UGGT2: variants seen among roughly 807,000 people sequenced by gnomAD.
UGGT2 encodes the protein UDP-glucose glycoprotein glucosyltransferase 2.
UGGT2 carries 180 observed loss-of-function variants against 192.1 expected under a neutral mutation model. The ratio of observed to expected loss-of-function variants is 0.94; its 90% CI spans 0.83 to 1.06. The LOEUF (loss-of-function observed/expected upper bound fraction) is 1.06. UGGT2 is among the 50% of genes least tolerant of loss of function. The probability of loss-of-function intolerance (pLI) is 0.00; values close to 1 mark genes in which losing one functional copy is unlikely to be tolerated. For missense variants in UGGT2, 1,849 were observed against 1,795.7 expected, an observed-to-expected ratio of 1.03 and a Z score of -0.54; for synonymous variants, 580 against 591.0, an observed-to-expected ratio of 0.98 and a Z score of 0.27.
chr13:95,973,112 G>A (rs1444080527), intron 10 of UGGT2, among the ~76,000 whole-genome samples: 1 of 152,170 alleles, frequency 6.6e-6, no homozygotes, highest in African/African-American at 2.4e-5. Flanking sequence ...GGAGGTTGCA[G>A]TGAGCCAAGA....
intron 36 of UGGT2, among the ~76,000 whole-genome samples, chr13:95,851,503 A>G (rs930338497): frequency 6.6e-6 from 1 of 152,196 alleles, no homozygotes; most frequent in Non-Finnish European, 1.5e-5. Context: ...TTCACCAACA[A>G]AATTGTGGTG....
At chr13:95,863,604 T>C in intron 31 of UGGT2, 25 bp downstream of exon 31, 1 of 1,538,114 alleles carries the variant, frequency 6.5e-7, no homozygotes, top group Non-Finnish European at 9.0e-7. Flanking sequence ...TCTAGTGATG[T>C]ATTAAAATAT....
chr13:95,813,482 T>C (rs570088261), intron 38 of UGGT2, among the ~76,000 whole-genome samples: 10 of 152,276 alleles, frequency 6.6e-5, no homozygotes, highest in Admixed American at 6.5e-4. Context: ...GTATTTAATA[T>C]GTGTCCTGGC....
chr13:95,985,808 T>C (rs1411202950), intron 9 of UGGT2, among the ~76,000 whole-genome samples: 1 of 152,158 alleles, frequency 6.6e-6, no homozygotes, highest in Non-Finnish European at 1.5e-5. Context: ...AAATGGAATA[T>C]ATGTTTAATG....
intron 12 of UGGT2, among the ~76,000 whole-genome samples, chr13:95,951,007 G>A (rs914535255): frequency 6.6e-5 from 10 of 152,182 alleles, no homozygotes; most frequent in Non-Finnish European, 1.5e-5. Context: ...AATAATACTT[G>A]AAGAAATTAG....
At chr13:95,859,706 A>G (rs200971337) in intron 32 of UGGT2, 31 bp from the exon 33 acceptor site, 109 of 1,477,652 alleles carry the variant, frequency 7.4e-5, no homozygotes, top group Middle Eastern at 3.6e-4. Flanking sequence ...CCCAATATAC[A>G]TTAACAGTAA....
chr13:95,856,387 GT>G (rs749965400), intron 33 of UGGT2, 47 bp from the exon 34 acceptor site: 2 of 1,563,212 alleles, frequency 1.3e-6, no homozygotes, highest in Non-Finnish European at 1.7e-6. Context: ...AGAGAAAGTA[GT>G]TTTGTTTTAG....
intron 12 of UGGT2, among the ~76,000 whole-genome samples, chr13:95,957,402 T>C (rs1008573664): frequency 1.3e-5 from 2 of 152,216 alleles, no homozygotes; most frequent in African/African-American, 4.8e-5. Context: ...AAACCAGCTA[T>C]ACTCCTTATG....
intron 14 of UGGT2, 139 bp from the exon 15 acceptor site, chr13:95,947,311 T>C (rs9561995): frequency 0.34 from 297,242 of 878,238 alleles, 52,504 homozygotes; most frequent in Middle Eastern, 0.39. Context: ...ATTTTATCAC[T>C]TCAAAAGTTT....
chr13:95,901,811 T>A (rs1259187701), intron 21 of UGGT2, among the ~76,000 whole-genome samples: 1 of 151,920 alleles, frequency 6.6e-6, no homozygotes, highest in African/African-American at 2.4e-5. Context: ...ACCTCCAAAA[T>A]CCCCATTTCA....
intron 8 of UGGT2, among the ~76,000 whole-genome samples, chr13:95,986,757 G>C (rs1391175446): frequency 6.6e-6 from 1 of 151,938 alleles, no homozygotes; most frequent in Non-Finnish European, 1.5e-5. Flanking sequence ...AAAGTCAAAA[G>C]AATAATGAAG....
intron 12 of UGGT2, among the ~76,000 whole-genome samples, chr13:95,955,872 A>C (rs1014902378): frequency 6.6e-6 from 1 of 152,202 alleles, no homozygotes; most frequent in African/African-American, 2.4e-5. Flanking sequence ...AAGTAATATG[A>C]TGTCACAGTT....
At chr13:95,938,220 C>A (rs1445820991) in intron 16 of UGGT2, among the ~76,000 whole-genome samples, 1 of 152,160 alleles carries the variant, frequency 6.6e-6, no homozygotes, top group Non-Finnish European at 1.5e-5. Context: ...TGGACTAATA[C>A]AGCAGTGTTT....
chr13:95,912,710 C>G (rs1366503389), intron 20 of UGGT2, among the ~76,000 whole-genome samples: 2 of 152,144 alleles, frequency 1.3e-5, no homozygotes, highest in African/African-American at 2.4e-5. Context: ...CTACCAATGA[C>G]TTTCTTCACA....
intron 26 of UGGT2, among the ~76,000 whole-genome samples, chr13:95,886,001 T>C (rs2047635384): frequency 6.6e-6 from 1 of 152,010 alleles, no homozygotes; most frequent in Admixed American, 6.6e-5. Flanking sequence ...TTAAAAAAAT[T>C]GAATAACTTT....
chr13:95,976,209 T>C (rs1208810213), intron 10 of UGGT2, among the ~76,000 whole-genome samples: 8 of 152,204 alleles, frequency 5.3e-5, no homozygotes, highest in Non-Finnish European at 7.4e-5. Context: ...ATGGCTTATT[T>C]CACTTAACAT....
At chr13:95,843,451 C>T (rs1018926705) in intron 36 of UGGT2, among the ~76,000 whole-genome samples, 1 of 152,056 alleles carries the variant, frequency 6.6e-6, no homozygotes, top group Non-Finnish European at 1.5e-5. Flanking sequence ...AATCAGATTA[C>T]TTATTTTATT....
chr13:95,899,776 AGAGC>A (rs2048050076), intron 22 of UGGT2, among the ~76,000 whole-genome samples: 1 of 152,182 alleles, frequency 6.6e-6, no homozygotes, highest in African/African-American at 2.4e-5. Flanking sequence ...TGCCATTTAC[AGAGC>A]TCTACATATC....
At chr13:96,018,377 A>T (rs1480900544) in intron 4 of UGGT2, among the ~76,000 whole-genome samples, 2 of 152,076 alleles carry the variant, frequency 1.3e-5, no homozygotes. Context: ...TTAGCTGAGC[A>T]TGGTGGTTTG....
Sources: gnomAD v4.1 joint callset for allele counts (sites outside exome capture counted in the v4.1 genomes callset) on GRCh38, gnomAD v4.1.1 for gene constraint, MANE v1.5 for transcripts, NCBI Gene and HGNC (gene_info 2026-07-23, HGNC 2026-07-21) for gene names.